The following PPEF2 variants were observed in gnomAD, a reference collection of about 807,000 sequenced individuals.
The protein encoded by PPEF2 is serine/threonine-protein phosphatase with EF-hands 2.
Under a neutral mutation model 84.7 loss-of-function variants are expected in PPEF2, and 84 were observed. That is an observed-to-expected ratio of 0.99 (90% confidence interval 0.83 to 1.19). The LOEUF (loss-of-function observed/expected upper bound fraction) is 1.19, where lower values mean the gene tolerates loss of function less well. Ranked by LOEUF, PPEF2 falls within the 50% of genes most tolerant of loss-of-function variation. The pLI is 0.00. For missense variants in PPEF2, 924 were observed against 937.5 expected (o/e 0.99, Z 0.19); for synonymous variants, 346 against 345.2 (o/e 1.00, Z -0.03).
chr4:75,864,308 G>A, intron 16 of PPEF2, 132 bp downstream of exon 16: 1 of 678,686 alleles, frequency 1.5e-6, no homozygotes, highest in Non-Finnish European at 2.5e-6. Flanking sequence ...TCATTTATAA[G>A]CACTAATCTT....
chr4:75,895,762 A>G (rs1724995717), intron 2 of PPEF2, among the ~76,000 whole-genome samples: 1 of 151,776 alleles, frequency 6.6e-6, no homozygotes, highest in Non-Finnish European at 1.5e-5. Context: ...TTGTAGAGAT[A>G]GGATCCTTGA....
intron 10 of PPEF2, among the ~76,000 whole-genome samples, chr4:75,877,852 T>C (rs1289076521): frequency 1.3e-5 from 2 of 152,162 alleles, no homozygotes; most frequent in Admixed American, 1.3e-4. Flanking sequence ...TAAAACCTGG[T>C]CCTTCACATA....
chr4:75,888,185 A>T, intron 6 of PPEF2, 29 bp downstream of exon 6: 1 of 1,504,612 alleles, frequency 6.6e-7, no homozygotes, highest in South Asian at 1.1e-5. Flanking sequence ...TGTGTGCAGC[A>T]TGGAAAGCCG....
chr4:75,864,415 G>C, intron 16 of PPEF2, 25 bp downstream of exon 16: 1 of 1,522,988 alleles, frequency 6.6e-7, no homozygotes. Flanking sequence ...TGCTTCAAAA[G>C]TGATAGAATA....
chr4:75,860,598 G>A lies in PPEF2; in HGVS notation c.*69C>T, dbSNP rs1214514349. 1 of 1,571,450 alleles carries A rather than the reference G, an allele frequency of 6.4e-7. No homozygotes were observed. Among genetic ancestry groups the A allele is most frequent in the Non-Finnish European group, 8.7e-7 (1 of 1,150,430 alleles). On this transcript the variant is annotated 3_prime_UTR_variant, in exon 17 of 17. Coordinates refer to ENST00000286719, the MANE Select transcript of PPEF2 (RefSeq NM_006239.3). ...GCATAAAGTTTCACATGGAGAATAA[G>A]GGAGATAGTCTAGTGAGAAGCTGAG...
At chr4:75,861,614 G>GTTTTTTTTTGTT (rs1724001826) in intron 16 of PPEF2, among the ~76,000 whole-genome samples, 1 of 86,146 alleles carries the variant, frequency 1.2e-5, no homozygotes, top group South Asian at 7.4e-4. Flanking sequence ...TTATGCAACA[G>GTTTTTTTTTGTT]TTTTTTTTTT....
At chr4:75,889,822 C>G in intron 5 of PPEF2, 135 bp downstream of exon 5, 3 of 965,438 alleles carry the variant, frequency 3.1e-6, no homozygotes, top group Non-Finnish European at 4.7e-6. Flanking sequence ...CTAAGCACAG[C>G]AGGGGTAGAA....
intron 1 of PPEF2, among the ~76,000 whole-genome samples, chr4:75,897,351 T>TTTAA (rs1341216990): frequency 6.6e-6 from 1 of 152,144 alleles, no homozygotes; most frequent in African/African-American, 2.4e-5. Flanking sequence ...CCCTGGCTGG[T>TTTAA]TTAATTAACT....
At chr4:75,861,452 C>T (rs1723997456) in intron 16 of PPEF2, among the ~76,000 whole-genome samples, 1 of 149,550 alleles carries the variant, frequency 6.7e-6, no homozygotes, top group African/African-American at 2.4e-5. Context: ...GGGGGACAAG[C>T]AGATATTCAC....
chr4:75,872,759 C>T (rs1032386243), intron 12 of PPEF2, among the ~76,000 whole-genome samples: 1 of 152,098 alleles, frequency 6.6e-6, no homozygotes, highest in African/African-American at 2.4e-5. Flanking sequence ...TTGGAGATGT[C>T]CAAAGATTAG....
At chr4:75,891,746 G>A (rs777667001) in intron 3 of PPEF2, 41 bp from the exon 4 acceptor site, 108 of 1,599,466 alleles carry the variant, frequency 6.8e-5, no homozygotes, top group Non-Finnish European at 4.1e-5. Context: ...AGAGGTGAGC[G>A]AAAAGAGAAC....
At chr4:75,879,810 A>C (rs1724518089) in intron 10 of PPEF2, among the ~76,000 whole-genome samples, 1 of 147,892 alleles carries the variant, frequency 6.8e-6, no homozygotes, top group African/African-American at 2.5e-5. Context: ...ATATTACTTG[A>C]ATTTTTAAAA....
In PPEF2 at chr4:75,888,320, A is replaced by T. The variant is rs1337236151; in HGVS notation, c.426T>A (p.His142Gln). 4.3e-6 allele frequency: 7 copies of T among 1,611,486 alleles called. No individual in the cohort carries two copies. The highest frequency in any genetic ancestry group is 5.9e-6 in the Non-Finnish European group (7 of 1,177,770). ...VEAFRLKQQLHARYVLNLLYE... is the reference protein window; with the variant it reads ...VEAFRLKQQLQARYVLNLLYE... ...ACAAAAGGTTCAAGACGTAGCGAGC[A>T]TGGAGCTGCTACTGGGAGGAAGAGG... Residue 142 changes from histidine to glutamine, a missense_variant, in exon 6 of 17, where the codon CAT becomes CAA. Physicochemically the swap from His to Gln is conservative, Grantham distance 24. Transcript: ENST00000286719.
intron 10 of PPEF2, among the ~76,000 whole-genome samples, chr4:75,882,584 A>T (rs776117852): frequency 6.1e-4 from 93 of 151,454 alleles, no homozygotes; most frequent in African/African-American, 2.2e-3. Context: ...TCCCTGCAAG[A>T]TGGAGTGCAA....
chr4:75,880,896 T>C (rs917126551), intron 10 of PPEF2, among the ~76,000 whole-genome samples: 2 of 150,394 alleles, frequency 1.3e-5, no homozygotes, highest in Non-Finnish European at 3.0e-5. Context: ...GTCTCCTGGG[T>C]TCAAGTGATT....
chr4:75,896,512 C>T, intron 1 of PPEF2, 129 bp from the exon 2 acceptor site: 1 of 640,040 alleles, frequency 1.6e-6, no homozygotes, highest in Non-Finnish European at 2.8e-6. Context: ...CAAGATGTTC[C>T]TCCCCTGAGA....
Position 75,876,689 on chromosome 4 carries a change from A to G in PPEF2, c.934-16T>C. ...TGGAAACTATCTAAACACGTCCAGA[A>G]AGAGATACAGATGCTGGAATGAAAC... On this transcript the variant is annotated splice_polypyrimidine_tract_variant and intron_variant, in intron 10 of 16. Coordinates refer to ENST00000286719, the MANE Select transcript of PPEF2 (RefSeq NM_006239.3). The G allele has an allele frequency of 6.6e-7, 1 of 1,520,010 alleles. No individual in the cohort carries two copies. The highest frequency in any genetic ancestry group is 1.3e-5 in the South Asian group (1 of 75,488). 94.2% of individuals were successfully genotyped at this position (1,520,010 alleles called of 1,614,324 possible). A position where few individuals can be genotyped will look rare whatever the true frequency, so the allele number is the denominator to read the frequency against.
At chr4:75,873,673 T>C (rs1003153892) in intron 11 of PPEF2, among the ~76,000 whole-genome samples, 12 of 152,250 alleles carry the variant, frequency 7.9e-5, no homozygotes, top group African/African-American at 2.7e-4. Flanking sequence ...ACTGGACATT[T>C]GCCCTAAAGA....
intron 1 of PPEF2, among the ~76,000 whole-genome samples, 191 bp from the exon 2 acceptor site, chr4:75,896,574 C>T (rs1725014948): frequency 6.6e-6 from 1 of 152,180 alleles, no homozygotes; most frequent in African/African-American, 2.4e-5. Context: ...CTTTCCACTG[C>T]CTTTTCCTTT....
Sources: gnomAD v4.1 joint callset for allele counts (sites outside exome capture counted in the v4.1 genomes callset) on GRCh38, gnomAD v4.1.1 for gene constraint, MANE v1.5 for transcripts, NCBI Gene and HGNC (gene_info 2026-07-23, HGNC 2026-07-21) for gene names.